Variants in FGGY observed in about 807,000 individuals in gnomAD.
FGGY encodes FGGY carbohydrate kinase domain containing, also known as FGGY carbohydrate kinase domain-containing protein.
Under a neutral mutation model 71.3 loss-of-function variants are expected in FGGY, and 72 were observed. That is an observed-to-expected ratio of 1.01 (90% CI 0.84 to 1.23). The LOEUF (loss-of-function observed/expected upper bound fraction) is 1.23. FGGY is among the 50% of genes most tolerant of loss of function. The pLI is 0.00. For missense variants in FGGY, 668 were observed against 682.3 expected, an observed-to-expected ratio of 0.98 and a Z score of 0.23; for synonymous variants, 251 against 250.3, an observed-to-expected ratio of 1.00 and a Z score of -0.02.
rs755480158 is a variant in FGGY, at chr1:59,321,633, C to T, written c.84C>T (p.Asp28=). ...GCAGTGTCCGTGCAGCTCTGGTGGA[C>T]CAGAGTGGGGTCCTGTTGGCTTTTG... ...GTGSVRAALV[D]QSGVLLAFAD... The change falls in exon 2 of 16, where the codon GAC becomes GAT. Residue 28 remains aspartate (D), a synonymous_variant. Coordinates refer to ENST00000303721, the MANE Select transcript of FGGY (RefSeq NM_018291.5). 11 of 1,613,614 alleles carry T rather than the reference C, an allele frequency of 6.8e-6. No homozygotes were observed. Among genetic ancestry groups the T allele is most frequent in the Non-Finnish European group, 9.3e-6 (11 of 1,179,804 alleles).
chr1:59,626,064 T>C lies in FGGY; in HGVS notation c.1073+15T>C, dbSNP rs978481408. ...GCCACAGCCAGGTAACTGCTGTCTC[T>C]GTTCCCTCTAAAATTTTCCTTGTGT... On this transcript the variant is annotated intron_variant, in intron 10 of 15. Coordinates refer to ENST00000303721, the MANE Select transcript of FGGY (RefSeq NM_018291.5). The C allele has an allele frequency of 6.8e-6, 11 of 1,611,412 alleles. No homozygotes were observed. Among genetic ancestry groups the C allele is most frequent in the Non-Finnish European group, 9.3e-6 (11 of 1,178,206 alleles).
At chr1:59,406,177 A>C (rs901738881) in intron 5 of FGGY, among the ~76,000 whole-genome samples, 2 of 108,236 alleles carry the variant, frequency 1.8e-5, no homozygotes, top group African/African-American at 3.0e-5. Flanking sequence ...CTTATTTGTA[A>C]CCCTCAAATC....
intron 5 of FGGY, among the ~76,000 whole-genome samples, chr1:59,409,782 T>C (rs986596341): frequency 1.6e-4 from 24 of 152,254 alleles, no homozygotes; most frequent in South Asian, 1.0e-3. Flanking sequence ...GGAAATTTCC[T>C]TCTGGTAATA....
intron 2 of FGGY, among the ~76,000 whole-genome samples, chr1:59,336,905 G>T (rs1351896182): frequency 6.6e-6 from 1 of 151,388 alleles, no homozygotes; most frequent in South Asian, 2.1e-4. Context: ...CAGAGTATAG[G>T]TCTTGAACTT....
intron 6 of FGGY, among the ~76,000 whole-genome samples, chr1:59,477,521 T>C (rs1287850109): frequency 2.0e-5 from 3 of 151,982 alleles, no homozygotes; most frequent in East Asian, 3.9e-4. Flanking sequence ...CGTGAGGAGG[T>C]AGTGAGTCAT....
chr1:59,679,646 G>T (rs2097475605), intron 14 of FGGY, among the ~76,000 whole-genome samples: 2 of 150,204 alleles, frequency 1.3e-5, no homozygotes, highest in African/African-American at 2.4e-5. Context: ...TAATATTATG[G>T]TTTCTATTCT....
chr1:59,534,842 G>C lies in FGGY; in HGVS notation c.800-19282G>C, dbSNP rs182590352. On this transcript the variant is annotated intron_variant, in intron 7 of 15. Coordinates refer to ENST00000303721, the MANE Select transcript of FGGY (RefSeq NM_018291.5). The stretch of plus-strand genomic sequence containing the variant: ...AGCTCTTGAAGGAAGTGCTAAACAT[G>C]GAAAGGAAAAACCAGTACCAGCCAC... Among the ~76,000 whole-genome samples, 62 of 152,142 alleles carry C rather than the reference G, an allele frequency of 4.1e-4. 1 individual carries two copies. The highest frequency in any genetic ancestry group is 7.1e-4 in the Non-Finnish European group (48 of 68,000).
intron 9 of FGGY, among the ~76,000 whole-genome samples, chr1:59,616,430 G>A (rs891411240): frequency 5.9e-5 from 9 of 152,062 alleles, no homozygotes; most frequent in African/African-American, 9.7e-5. Context: ...GAATTGAACA[G>A]TGAGAACACA....
chr1:59,660,092 A>G, intron 11 of FGGY, 127 bp from the exon 12 acceptor site: 2 of 780,762 alleles, frequency 2.6e-6, no homozygotes, highest in Non-Finnish European at 4.2e-6. Flanking sequence ...TCCGCTCACA[A>G]AAAGGGGATT....
At chr1:59,594,969 A>C (rs1407187261) in intron 8 of FGGY, among the ~76,000 whole-genome samples, 7 of 152,184 alleles carry the variant, frequency 4.6e-5, no homozygotes, top group Admixed American at 4.6e-4. Flanking sequence ...CTCTCTGTAA[A>C]CACACAAGAA....
chr1:59,351,231 G>A (rs148312299), intron 4 of FGGY, among the ~76,000 whole-genome samples: 9 of 152,310 alleles, frequency 5.9e-5, no homozygotes, highest in African/African-American at 2.2e-4. Context: ...CGCCTACAGG[G>A]CAGAATATAT....
intron 2 of FGGY, among the ~76,000 whole-genome samples, chr1:59,339,152 A>G (rs2153196831): frequency 6.6e-6 from 1 of 152,326 alleles, no homozygotes; most frequent in East Asian, 1.9e-4. Context: ...TATGAAACAT[A>G]TATGAATTTT....
At chr1:59,398,387 C>T (rs182168122) in intron 5 of FGGY, among the ~76,000 whole-genome samples, 6 of 152,120 alleles carry the variant, frequency 3.9e-5, no homozygotes, top group East Asian at 1.9e-4. Flanking sequence ...TACAGGTGCA[C>T]GCCACCACGC....
At chr1:59,662,372 T>TACATTACAC (rs1351653485) in intron 12 of FGGY, among the ~76,000 whole-genome samples, 1 of 151,306 alleles carries the variant, frequency 6.6e-6, no homozygotes, top group Non-Finnish European at 1.5e-5. Context: ...CTGTGCTAGA[T>TACATTACAC]ACATTACACA....
At chr1:59,339,866 T>C (rs547058054) in intron 2 of FGGY, 92 bp from the exon 3 acceptor site, 22 of 704,660 alleles carry the variant, frequency 3.1e-5, no homozygotes, top group Middle Eastern at 3.0e-4. Flanking sequence ...GATTTTTTTC[T>C]ATTCTGTCAT....
chr1:59,696,659 T>A (rs2097662275), intron 14 of FGGY, among the ~76,000 whole-genome samples: 1 of 152,190 alleles, frequency 6.6e-6, no homozygotes. Flanking sequence ...TACCTCACAC[T>A]GTGTCCTTCA....
At chr1:59,591,191 T>G (rs1395807804) in intron 8 of FGGY, among the ~76,000 whole-genome samples, 2 of 152,196 alleles carry the variant, frequency 1.3e-5, no homozygotes, top group Non-Finnish European at 2.9e-5. Context: ...CATTTACAAT[T>G]GCTTCAAAAA....
At chr1:59,424,616 G>A (rs542754427) in intron 5 of FGGY, among the ~76,000 whole-genome samples, 1 of 152,132 alleles carries the variant, frequency 6.6e-6, no homozygotes, top group Non-Finnish European at 1.5e-5. Flanking sequence ...AGTTCAGCTT[G>A]TTTGGTGCTG....
chr1:59,580,098 A>C (rs540391735), intron 8 of FGGY, among the ~76,000 whole-genome samples: 16 of 152,302 alleles, frequency 1.1e-4, no homozygotes, highest in African/African-American at 3.9e-4. Flanking sequence ...CTCATCATTA[A>C]GGTCTATCCA....
Sources: allele counts gnomAD v4.1 joint callset (sites outside exome capture counted in the v4.1 genomes callset), GRCh38; gene constraint gnomAD v4.1.1; transcripts MANE v1.5; gene names NCBI Gene and HGNC (gene_info 2026-07-23, HGNC 2026-07-21).